The following ARL15 variants were observed in gnomAD, a reference collection of about 807,000 sequenced individuals.
ARL15 encodes the protein ARF like GTPase 15.
Under a neutral mutation model 25.2 loss-of-function variants are expected in ARL15, and 19 were observed. That is an observed-to-expected ratio of 0.75 (90% CI 0.53 to 1.10). The LOEUF is 1.10. Among genes scored for constraint, ARL15 ranks in the 50% least tolerant of loss-of-function variants. The pLI is 0.00. For missense variants in ARL15, 220 were observed against 246.0 expected (o/e 0.89, Z 0.71); for synonymous variants, 94 against 86.8 (o/e 1.08, Z -0.46).
chr5:53,925,704 A>T (rs1252514418), intron 4 of ARL15, among the ~76,000 whole-genome samples: 1 of 152,106 alleles, frequency 6.6e-6, no homozygotes, highest in Non-Finnish European at 1.5e-5. Flanking sequence ...GCTACTCTGG[A>T]GGCTAAGGCA....
chr5:54,130,251 T>C (rs1475465984), intron 3 of ARL15, among the ~76,000 whole-genome samples: 1 of 152,068 alleles, frequency 6.6e-6, no homozygotes, highest in Admixed American at 6.6e-5. Context: ...AGCAAAACCA[T>C]AAAATGTTTA....
At chr5:54,187,243 T>C (rs751975735) in intron 1 of ARL15, among the ~76,000 whole-genome samples, 6 of 152,094 alleles carry the variant, frequency 3.9e-5, no homozygotes, top group Non-Finnish European at 7.4e-5. Context: ...AGCTGGAGAA[T>C]CTAACCAGCC....
intron 3 of ARL15, chr5:54,154,376 C>A: frequency 2.4e-6 from 1 of 423,708 alleles, no homozygotes; most frequent in South Asian, 5.7e-5. Context: ...TTCAAAAAAC[C>A]CCCAAAGTTT....
At chr5:54,064,508 G>A (rs1047330105) in intron 4 of ARL15, among the ~76,000 whole-genome samples, 2 of 152,212 alleles carry the variant, frequency 1.3e-5, no homozygotes, top group Non-Finnish European at 2.9e-5. Flanking sequence ...TGTGCTTAGA[G>A]AAATGAGGAT....
At chr5:53,900,931 T>G (rs1040944148) in intron 4 of ARL15, among the ~76,000 whole-genome samples, 1 of 152,202 alleles carries the variant, frequency 6.6e-6, no homozygotes, top group Non-Finnish European at 1.5e-5. Flanking sequence ...AAGACCCACA[T>G]AGGACACTTA....
intron 4 of ARL15, among the ~76,000 whole-genome samples, chr5:54,025,287 CAAAA>C (rs756211559): frequency 1.2e-5 from 1 of 80,190 alleles, no homozygotes; most frequent in African/African-American, 6.0e-5. Flanking sequence ...ACAAAGGGAC[CAAAA>C]AAAAAAAAAA....
rs188979453 is a variant in ARL15, at chr5:53,995,148, A to C, written c.463-108435T>G. Among the ~76,000 whole-genome samples, 405 of 152,154 alleles carry C rather than the reference A, an allele frequency of 2.7e-3. 2 individuals carry two copies. The highest frequency in any genetic ancestry group is 9.4e-3 in the African/African-American group (392 of 41,502). On this transcript the variant is annotated intron_variant, in intron 4 of 4. Transcript: ENST00000504924. ...AGATGGTGAAACCCCATCTCTACTA[A>C]AAATACAAAAATTAGCTGGGCATGG...
At chr5:53,954,337 TG>T (rs1747074251) in intron 4 of ARL15, among the ~76,000 whole-genome samples, 1 of 152,232 alleles carries the variant, frequency 6.6e-6, no homozygotes, top group Admixed American at 6.5e-5. Context: ...CCAAGCCCTC[TG>T]CCAAGGTGTA....
At chr5:54,282,954 C>T (rs1465009860) in intron 1 of ARL15, among the ~76,000 whole-genome samples, 1 of 152,208 alleles carries the variant, frequency 6.6e-6, no homozygotes, top group Admixed American at 6.5e-5. Context: ...AACATGACTA[C>T]TGGTTTCTTT....
intron 1 of ARL15, among the ~76,000 whole-genome samples, chr5:54,232,586 T>G: frequency 6.6e-6 from 1 of 151,790 alleles, no homozygotes; most frequent in East Asian, 1.9e-4. Flanking sequence ...AACCAACAGG[T>G]AGAAATATGG....
intron 1 of ARL15, among the ~76,000 whole-genome samples, chr5:54,275,686 TA>T (rs1757909744): frequency 2.8e-5 from 4 of 142,820 alleles, no homozygotes; most frequent in African/African-American, 1.1e-4. Flanking sequence ...ATTATTATTT[TA>T]TTTATTTTTT....
intron 4 of ARL15, among the ~76,000 whole-genome samples, chr5:54,044,367 C>T (rs1389857161): frequency 6.6e-6 from 1 of 151,904 alleles, no homozygotes; most frequent in East Asian, 1.9e-4. Context: ...CCTTAGCCTC[C>T]CAAGTAGCTA....
intron 1 of ARL15, among the ~76,000 whole-genome samples, chr5:54,202,741 C>T (rs1317734570): frequency 1.3e-5 from 2 of 152,120 alleles, no homozygotes; most frequent in Non-Finnish European, 2.9e-5. Flanking sequence ...TATAAAAGGT[C>T]ATTTCATATG....
At chr5:54,032,238 C>A (rs576874109) in intron 4 of ARL15, among the ~76,000 whole-genome samples, 149 of 151,680 alleles carry the variant, frequency 9.8e-4, no homozygotes, top group African/African-American at 3.5e-3. Flanking sequence ...TATTCTTCTT[C>A]TTATTTTTTT....
chr5:54,212,324 T>C (rs1388155252), intron 1 of ARL15, among the ~76,000 whole-genome samples: 2 of 152,178 alleles, frequency 1.3e-5, no homozygotes, highest in Non-Finnish European at 2.9e-5. Flanking sequence ...CAGCTCCAGA[T>C]GTCACATTTC....
intron 4 of ARL15, among the ~76,000 whole-genome samples, chr5:54,004,233 G>A (rs543681994): frequency 2.6e-5 from 4 of 152,246 alleles, no homozygotes; most frequent in South Asian, 2.1e-4. Flanking sequence ...GGTGGCTCAC[G>A]CCTGTAATCT....
At chr5:54,081,274 A>G (rs911428523) in intron 4 of ARL15, among the ~76,000 whole-genome samples, 3 of 152,168 alleles carry the variant, frequency 2.0e-5, no homozygotes, top group Non-Finnish European at 4.4e-5. Flanking sequence ...ACTTTTAACA[A>G]AGCAGTTAAA....
chr5:54,082,072 C>CAA (rs369547034), intron 4 of ARL15, among the ~76,000 whole-genome samples: 2,340 of 78,096 alleles, frequency 0.03, 23 homozygotes, highest in Middle Eastern at 0.048. Context: ...GCCTGGGTAA[C>CAA]AAAAAAAAAA....
chr5:54,189,865 A>G (rs1755345267), intron 1 of ARL15, among the ~76,000 whole-genome samples: 1 of 152,210 alleles, frequency 6.6e-6, no homozygotes, highest in Non-Finnish European at 1.5e-5. Context: ...GAAAATGTCA[A>G]TAGTGTAAAA....
Sources: allele counts gnomAD v4.1 joint callset (sites outside exome capture counted in the v4.1 genomes callset), GRCh38; gene constraint gnomAD v4.1.1; transcripts MANE v1.5; gene names NCBI Gene and HGNC (gene_info 2026-07-23, HGNC 2026-07-21).